Variants in CATSPERT observed in about 807,000 individuals in gnomAD.
CATSPERT encodes catsper channel auxiliary subunit tau, also known as cation channel sperm-associated targeting subunit tau.
the CATSPERT span, among the ~76,000 whole-genome samples, chr2:201,617,404 C>T: frequency 1.8e-4 from 28 of 152,262 alleles, no homozygotes; most frequent in African/African-American, 6.5e-4. Context: ...AATAATACCA[C>T]ACATCTACAA....
the CATSPERT span, among the ~76,000 whole-genome samples, chr2:201,517,709 G>A: frequency 1.3e-5 from 2 of 152,174 alleles, no homozygotes; most frequent in African/African-American, 2.4e-5. Flanking sequence ...ATACTGCTGG[G>A]GCCAGGATGT....
the CATSPERT span, among the ~76,000 whole-genome samples, chr2:201,539,824 A>G: frequency 6.6e-6 from 1 of 152,172 alleles, no homozygotes; most frequent in South Asian, 2.1e-4. Flanking sequence ...CCTCACTTTA[A>G]ATCAAAAGCT....
the CATSPERT span, among the ~76,000 whole-genome samples, chr2:201,515,216 T>G: frequency 2.6e-5 from 1 of 39,202 alleles, no homozygotes; most frequent in Non-Finnish European, 4.4e-5. Context: ...TTTTTTTTTT[T>G]TTTTTTTTTT....
At chr2:201,573,282 A>G in the CATSPERT span, among the ~76,000 whole-genome samples, 2 of 152,218 alleles carry the variant, frequency 1.3e-5, no homozygotes, top group African/African-American at 4.8e-5. Context: ...AATTTAAAGG[A>G]GGAAGTCAAA....
At chr2:201,591,198 C>T in the CATSPERT span, among the ~76,000 whole-genome samples, 1 of 152,040 alleles carries the variant, frequency 6.6e-6, no homozygotes, top group East Asian at 1.9e-4. Flanking sequence ...CAGCTTTCTA[C>T]ATATGGCTAG....
the CATSPERT span, chr2:201,556,963 C>T: frequency 9.9e-5 from 15 of 152,114 alleles, no homozygotes; most frequent in Non-Finnish European, 1.8e-4. Context: ...ATTACCAACA[C>T]ATATAAAGAT....
the CATSPERT span, among the ~76,000 whole-genome samples, chr2:201,559,749 T>A: frequency 6.6e-6 from 1 of 152,222 alleles, no homozygotes; most frequent in Non-Finnish European, 1.5e-5. Context: ...CCCGCCAATC[T>A]GATATCCCAA....
the CATSPERT span, among the ~76,000 whole-genome samples, chr2:201,562,880 T>C: frequency 4.1e-4 from 58 of 139,870 alleles, 1 homozygote; most frequent in East Asian, 0.012. Context: ...TTTTTCTTAG[T>C]ACAGAACAAA....
At chr2:201,530,321 A>G in the CATSPERT span, among the ~76,000 whole-genome samples, 2 of 152,176 alleles carry the variant, frequency 1.3e-5, no homozygotes, top group African/African-American at 4.8e-5. Flanking sequence ...CTGTTGTGCT[A>G]TTGTAATAGC....
chr2:201,557,247 T>C, the CATSPERT span: 2 of 152,228 alleles, frequency 1.3e-5, no homozygotes, highest in Admixed American at 6.5e-5. Flanking sequence ...TTCTCATCCT[T>C]ATACAAATTT....
chr2:201,595,036 TGGA>T, the CATSPERT span, among the ~76,000 whole-genome samples: 2 of 152,306 alleles, frequency 1.3e-5, no homozygotes, highest in East Asian at 3.9e-4. Flanking sequence ...TGCGTTCCTT[TGGA>T]GGAGGAGAGG....
chr2:201,534,270 T>C, the CATSPERT span: 1 of 411,082 alleles, frequency 2.4e-6, no homozygotes, highest in African/African-American at 2.2e-5. Context: ...ACATCCAACA[T>C]CAAGTGGAGC....
the CATSPERT span, among the ~76,000 whole-genome samples, chr2:201,588,162 C>A: frequency 6.6e-6 from 1 of 152,026 alleles, no homozygotes; most frequent in Admixed American, 6.6e-5. Context: ...CAGCATCACC[C>A]TGATGAAAAC....
the CATSPERT span, among the ~76,000 whole-genome samples, chr2:201,574,842 T>A: frequency 6.6e-6 from 1 of 152,220 alleles, no homozygotes; most frequent in East Asian, 1.9e-4. Context: ...TTAATCCAAC[T>A]ACTAATTTTA....
the CATSPERT span, chr2:201,491,062 G>C: frequency 6.3e-6 from 6 of 956,992 alleles, no homozygotes; most frequent in South Asian, 1.2e-4. Context: ...GTATGTCTTG[G>C]GGGTAATTAA....
At chr2:201,516,699 C>A in the CATSPERT span, among the ~76,000 whole-genome samples, 1 of 151,646 alleles carries the variant, frequency 6.6e-6, no homozygotes, top group East Asian at 1.9e-4. Context: ...TTTCTCCCCA[C>A]AGTAAGTTTT....
the CATSPERT span, among the ~76,000 whole-genome samples, chr2:201,579,199 A>G: frequency 6.6e-6 from 1 of 152,134 alleles, no homozygotes; most frequent in African/African-American, 2.4e-5. Flanking sequence ...GTAAATATTT[A>G]TTAAATTTTC....
chr2:201,549,527 G>A, the CATSPERT span: 7 of 152,032 alleles, frequency 4.6e-5, no homozygotes, highest in Non-Finnish European at 8.8e-5. Context: ...ACTGGTTTCA[G>A]GCTAGCTTCA....
chr2:201,561,290 T>C, the CATSPERT span, among the ~76,000 whole-genome samples: 1 of 152,158 alleles, frequency 6.6e-6, no homozygotes, highest in Non-Finnish European at 1.5e-5. Context: ...CTTAGAAACA[T>C]AATGGTGGGT....
Sources: allele counts gnomAD v4.1 joint callset (sites outside exome capture counted in the v4.1 genomes callset), GRCh38; gene constraint gnomAD v4.1.1; transcripts MANE v1.5; gene names NCBI Gene and HGNC (gene_info 2026-07-23, HGNC 2026-07-21).